Variants in SEPTIN7 observed in about 807,000 individuals in gnomAD.
SEPTIN7 encodes septin-7.
Under a neutral mutation model 63.3 loss-of-function variants are expected in SEPTIN7, and 10 were observed. That is an observed-to-expected ratio of 0.16 (90% CI 0.10 to 0.27). The LOEUF is 0.27. Ranked by LOEUF, SEPTIN7 falls within the 10% of genes least tolerant of loss-of-function variation. The pLI is 1.00. For synonymous variants in SEPTIN7, 131 were observed against 165.3 expected (o/e 0.79, Z 1.59); for missense variants, 310 against 521.0 (o/e 0.59, Z 3.94).
intron 3 of SEPTIN7, among the ~76,000 whole-genome samples, chr7:35,860,342 C>T (rs867106376): frequency 3.3e-5 from 5 of 152,118 alleles, no homozygotes; most frequent in Non-Finnish European, 7.4e-5. Flanking sequence ...TTAATGCATT[C>T]GCCTTTAAAA....
intron 1 of SEPTIN7, among the ~76,000 whole-genome samples, chr7:35,826,195 T>G (rs1348504180): frequency 6.6e-6 from 1 of 151,996 alleles, no homozygotes. Flanking sequence ...GGTAGGAATT[T>G]GACTAAGCAA....
intron 3 of SEPTIN7, among the ~76,000 whole-genome samples, chr7:35,840,886 A>G (rs560007296): frequency 7.2e-5 from 11 of 152,368 alleles, no homozygotes; most frequent in African/African-American, 2.4e-4. Flanking sequence ...GCTAAAAAGC[A>G]TGCCATTATC....
chr7:35,867,129 G>C (rs1031725318), intron 4 of SEPTIN7, among the ~76,000 whole-genome samples: 2 of 151,976 alleles, frequency 1.3e-5, no homozygotes, highest in African/African-American at 4.8e-5. Context: ...GAATGAAATG[G>C]TACCATGTTA....
At chr7:35,901,499 T>A (rs553386732) in intron 12 of SEPTIN7, 10 of 152,348 alleles carry the variant, frequency 6.6e-5, no homozygotes, top group Non-Finnish European at 1.2e-4. Context: ...TGTATACTCC[T>A]TTCTAAGCGG....
intron 1 of SEPTIN7, among the ~76,000 whole-genome samples, chr7:35,819,303 A>G (rs1409462129): frequency 2.6e-5 from 4 of 152,240 alleles, no homozygotes; most frequent in African/African-American, 9.6e-5. Flanking sequence ...TCTCTAGTGG[A>G]TGAAGAATAT....
At chr7:35,805,365 G>T (rs1788265103) in intron 1 of SEPTIN7, among the ~76,000 whole-genome samples, 1 of 152,178 alleles carries the variant, frequency 6.6e-6, no homozygotes, top group African/African-American at 2.4e-5. Context: ...AATAAAAAAA[G>T]TGGAAATGGA....
chr7:35,866,927 T>C (rs1302059082), intron 4 of SEPTIN7, among the ~76,000 whole-genome samples: 1 of 152,204 alleles, frequency 6.6e-6, no homozygotes, highest in Non-Finnish European at 1.5e-5. Context: ...CATGGTTTGC[T>C]ATATAGCAGG....
intron 3 of SEPTIN7, among the ~76,000 whole-genome samples, chr7:35,837,718 T>C (rs73098503): frequency 1.5e-3 from 233 of 152,242 alleles, no homozygotes; most frequent in Non-Finnish European, 2.5e-3. Flanking sequence ...CTGTATTTTA[T>C]TGTTGCTAGT....
chr7:35,900,304 C>T (rs1270677291), intron 12 of SEPTIN7: 1 of 152,094 alleles, frequency 6.6e-6, no homozygotes, highest in Non-Finnish European at 1.5e-5. Context: ...ATAATTCCTC[C>T]TGGTTTCAGA....
chr7:35,904,299 C>G lies in SEPTIN7; in HGVS notation c.*6C>G, dbSNP rs752248745. Reference sequence around the variant, plus strand: ...AGAAAGGGAAGATCTTTTAAACTCTCTATTGACCACCAGTTAACGTATTAG... The same window carrying G: ...AGAAAGGGAAGATCTTTTAAACTCTGTATTGACCACCAGTTAACGTATTAG... On this transcript the variant is annotated 3_prime_UTR_variant, in exon 14 of 14. Coordinates refer to ENST00000350320, the MANE Select transcript of SEPTIN7 (RefSeq NM_001788.6). 1.3e-6 allele frequency: 2 copies of G among 1,557,566 alleles called. No homozygotes were observed. Among genetic ancestry groups the G allele is most frequent in the Non-Finnish European group, 1.7e-6 (2 of 1,150,896 alleles).
chr7:35,913,405 CT>C, the SEPTIN7 span, among the ~76,000 whole-genome samples: 1 of 149,676 alleles, frequency 6.7e-6, no homozygotes, highest in Non-Finnish European at 1.5e-5. Flanking sequence ...TTCTTTCTTT[CT>C]CTTTCTTTCT....
intron 3 of SEPTIN7, among the ~76,000 whole-genome samples, chr7:35,835,972 A>T (rs998481261): frequency 6.6e-6 from 1 of 152,250 alleles, no homozygotes; most frequent in Middle Eastern, 3.4e-3. Flanking sequence ...TTTATGGATG[A>T]TATAAGGAAT....
downstream of SEPTIN7, among the ~76,000 whole-genome samples, chr7:35,910,436 A>G (rs1788721631): frequency 6.6e-6 from 1 of 152,204 alleles, no homozygotes; most frequent in South Asian, 2.1e-4. Flanking sequence ...ATTTAAACCA[A>G]TTGAAGGTGC....
intron 11 of SEPTIN7, among the ~76,000 whole-genome samples, chr7:35,895,030 T>C (rs113674460): frequency 6.5e-4 from 99 of 152,308 alleles, no homozygotes; most frequent in African/African-American, 2.2e-3. Flanking sequence ...TCATTTTCTT[T>C]TTCTTGTTTT....
chr7:35,865,767 A>G (rs1785778157), intron 4 of SEPTIN7, among the ~76,000 whole-genome samples: 2 of 152,142 alleles, frequency 1.3e-5, no homozygotes, highest in Admixed American at 1.3e-4. Flanking sequence ...AGGAGTTTTA[A>G]AAATCTAACT....
At chr7:35,840,620 T>A (rs1003349834) in intron 3 of SEPTIN7, among the ~76,000 whole-genome samples, 1 of 151,972 alleles carries the variant, frequency 6.6e-6, no homozygotes, top group African/African-American at 2.4e-5. Flanking sequence ...AAAGATTATA[T>A]ATTAAGAAAA....
chr7:35,885,300 T>C (rs918007610), intron 9 of SEPTIN7, among the ~76,000 whole-genome samples: 4 of 152,204 alleles, frequency 2.6e-5, no homozygotes, highest in African/African-American at 9.6e-5. Flanking sequence ...GCTTTAGAAC[T>C]TACCCCTTAA....
intron 12 of SEPTIN7, chr7:35,901,835 T>G (rs1352051334): frequency 6.6e-6 from 1 of 152,152 alleles, no homozygotes; most frequent in Non-Finnish European, 1.5e-5. Context: ...GACATTTTCT[T>G]ATGTTCCTAC....
chr7:35,828,388 T>C lies in SEPTIN7; in HGVS notation c.62-3104T>C, dbSNP rs1348325489. ...TTTGCCTCGACCCCCTTCTTCTTTT[T>C]TTTGAGACTGGAGTTTCTCTCTTGT... On this transcript the variant is annotated intron_variant, in intron 1 of 13. Transcript: ENST00000350320. Among the ~76,000 whole-genome samples, 3 of 152,192 alleles carry C rather than the reference T, an allele frequency of 2.0e-5. No homozygotes were observed. The East Asian group carries it at 5.8e-4, about 29-fold the overall frequency.
Sources: gnomAD v4.1 joint callset for allele counts (sites outside exome capture counted in the v4.1 genomes callset) on GRCh38, gnomAD v4.1.1 for gene constraint, MANE v1.5 for transcripts, NCBI Gene and HGNC (gene_info 2026-07-23, HGNC 2026-07-21) for gene names.